GALNT18: variants seen among roughly 807,000 people sequenced by gnomAD.
GALNT18 encodes the protein polypeptide N-acetylgalactosaminyltransferase 18.
GALNT18 carries 44 observed loss-of-function variants against 69.5 expected under a neutral mutation model. The ratio of observed to expected loss-of-function variants is 0.63; its 90% CI spans 0.50 to 0.81. The LOEUF (loss-of-function observed/expected upper bound fraction) is 0.81, where lower values mean the gene tolerates loss of function less well. Ranked by LOEUF, GALNT18 falls within the 40% of genes least tolerant of loss-of-function variation. GALNT18 has a pLI of 0.00. For synonymous variants in GALNT18, 364 were observed against 318.2 expected, an observed-to-expected ratio of 1.14 and a Z score of -1.53; for missense variants, 715 against 810.0, an observed-to-expected ratio of 0.88 and a Z score of 1.42.
At chr11:11,548,441 A>G (rs148355676) in intron 1 of GALNT18, among the ~76,000 whole-genome samples, 1 of 152,276 alleles carries the variant, frequency 6.6e-6, no homozygotes, top group East Asian at 1.9e-4. Flanking sequence ...GCTCCATCCA[A>G]CACAAAGACC....
chr11:11,528,081 T>G (rs1297377661), intron 1 of GALNT18, among the ~76,000 whole-genome samples: 1 of 152,192 alleles, frequency 6.6e-6, no homozygotes, highest in Non-Finnish European at 1.5e-5. Flanking sequence ...TCCTAGAGAA[T>G]GTTACGGAAA....
At chr11:11,302,825 G>A (rs1486920572) in intron 9 of GALNT18, among the ~76,000 whole-genome samples, 5 of 152,210 alleles carry the variant, frequency 3.3e-5, no homozygotes, top group Non-Finnish European at 7.3e-5. Context: ...GCCTTAAAAG[G>A]CAGAGAGACT....
In GALNT18 at chr11:11,598,849, A is replaced by G. The variant is rs1298480585; in HGVS notation, c.235+22510T>C. 1.3e-5 allele frequency among the ~76,000 whole-genome samples: 2 copies of G among 151,864 alleles called. No individual in the cohort carries two copies. Among genetic ancestry groups the G allele is most frequent in the Non-Finnish European group, 2.9e-5 (2 of 67,952 alleles). ...CCTTTTCTTCTTCTATCCCTTGGTTATTTAGGAGTATGTTATCTAATATCC... is the reference window on the plus strand; with the variant it reads ...CCTTTTCTTCTTCTATCCCTTGGTTGTTTAGGAGTATGTTATCTAATATCC... On this transcript the variant is annotated intron_variant, in intron 1 of 10. Coordinates refer to ENST00000227756, the MANE Select transcript of GALNT18 (RefSeq NM_198516.3). The surrounding 1 kb of genome is among the most constrained non-coding windows in gnomAD (Gnocchi z 4.8).
chr11:11,490,201 TC>T (rs1856732370), intron 1 of GALNT18, among the ~76,000 whole-genome samples: 2 of 16,350 alleles, frequency 1.2e-4, no homozygotes, highest in South Asian at 3.0e-3. Context: ...CTTCACTCAT[TC>T]TCTCTCTCTC....
intron 1 of GALNT18, among the ~76,000 whole-genome samples, chr11:11,609,734 CA>C (rs939630757): frequency 1.3e-5 from 2 of 152,196 alleles, no homozygotes; most frequent in Non-Finnish European, 2.9e-5. Flanking sequence ...TAAACAATGC[CA>C]GCCTTGGTGT....
chr11:11,291,480 A>T (rs1221860250), intron 10 of GALNT18, among the ~76,000 whole-genome samples: 1 of 151,974 alleles, frequency 6.6e-6, no homozygotes, highest in Non-Finnish European at 1.5e-5. Context: ...GACACATAGT[A>T]AGTACTGTAT....
chr11:11,605,912 G>A lies in GALNT18; in HGVS notation c.235+15447C>T, dbSNP rs555356094. On this transcript the variant is annotated intron_variant, in intron 1 of 10. Coordinates refer to ENST00000227756, the MANE Select transcript of GALNT18 (RefSeq NM_198516.3). This position sits in a 1 kb window ranked among gnomAD's most constrained non-coding sequence, Gnocchi z 4.7. ...AAGCACACTGCACACACGCTCATGC[G>A]CACACACACACACCACTGAGCTTCA... Among the ~76,000 whole-genome samples the A allele has an allele frequency of 1.1e-4, 17 of 151,858 alleles. No homozygotes were observed. Among genetic ancestry groups the A allele is most frequent in the Non-Finnish European group, 2.2e-4 (15 of 67,938 alleles).
intron 10 of GALNT18, among the ~76,000 whole-genome samples, chr11:11,281,194 G>A (rs185846505): frequency 6.8e-4 from 103 of 152,258 alleles, no homozygotes; most frequent in African/African-American, 2.3e-3. Context: ...CCGGAGCCAG[G>A]TAGAAAGGGA....
At chr11:11,343,792 C>A (rs78518231) in intron 6 of GALNT18, among the ~76,000 whole-genome samples, 4 of 152,280 alleles carry the variant, frequency 2.6e-5, no homozygotes, top group Non-Finnish European at 4.4e-5. Flanking sequence ...TATTACAAGA[C>A]CTGCTTCTTA....
rs1859626554 is a variant in GALNT18, at chr11:11,601,205, T to G, written c.235+20154A>C. 2.0e-5 allele frequency among the ~76,000 whole-genome samples: 3 copies of G among 152,324 alleles called. No individual in the cohort carries two copies. The South Asian group carries it at 6.2e-4, about 32-fold the overall frequency. On this transcript the variant is annotated intron_variant, in intron 1 of 10. Transcript: ENST00000227756. The surrounding 1 kb of genome is among the most constrained non-coding windows in gnomAD (Gnocchi z 4.0). ...TAAATTTCTGTTGAAAACCAGACATTTTAGATACTATATTTTAGACACTTT... is the reference window on the plus strand; with the variant it reads ...TAAATTTCTGTTGAAAACCAGACATGTTAGATACTATATTTTAGACACTTT...
At chr11:11,414,929 C>T (rs1368766781) in intron 3 of GALNT18, among the ~76,000 whole-genome samples, 1 of 152,190 alleles carries the variant, frequency 6.6e-6, no homozygotes, top group Non-Finnish European at 1.5e-5. Flanking sequence ...AGGTGTTGGC[C>T]AGCACTGTAG....
At chr11:11,544,372 C>T (rs1303592733) in intron 1 of GALNT18, among the ~76,000 whole-genome samples, 1 of 152,200 alleles carries the variant, frequency 6.6e-6, no homozygotes, top group East Asian at 1.9e-4. Context: ...TCCTTCTGTG[C>T]TAGTTCTGTG....
At position 11,315,548 on chromosome 11, in the gene GALNT18, C is replaced by T. The variant is rs1019174276; in HGVS notation, c.1512+11538G>A. On this transcript the variant is annotated intron_variant, in intron 9 of 10. Coordinates refer to ENST00000227756, the MANE Select transcript of GALNT18 (RefSeq NM_198516.3). The surrounding 1 kb of genome is among the most constrained non-coding windows in gnomAD (Gnocchi z 5.6). ...GGTTTTCAGCCCAACTCTTAGCCTCCGATGTCCCCTTTCTTCACCCGTGTA... is the reference window on the plus strand; with the variant it reads ...GGTTTTCAGCCCAACTCTTAGCCTCTGATGTCCCCTTTCTTCACCCGTGTA... Among the ~76,000 whole-genome samples the T allele has an allele frequency of 5.9e-5, 9 of 152,138 alleles. No individual in the cohort carries two copies. The highest frequency in any genetic ancestry group is 1.4e-4 in the African/African-American group (6 of 41,428).
intron 1 of GALNT18, among the ~76,000 whole-genome samples, chr11:11,460,664 C>T (rs1856020177): frequency 1.3e-5 from 2 of 149,020 alleles, no homozygotes; most frequent in African/African-American, 2.4e-5. Flanking sequence ...CAGTCGCCCT[C>T]CTGCCTCCCT....
At chr11:11,407,306 A>G (rs557124268) in intron 3 of GALNT18, among the ~76,000 whole-genome samples, 1 of 152,210 alleles carries the variant, frequency 6.6e-6, no homozygotes, top group African/African-American at 2.4e-5. Context: ...GACCAGGCAA[A>G]AGGCTGGTGC....
chr11:11,427,152 A>G (rs1421222432), intron 3 of GALNT18, among the ~76,000 whole-genome samples: 2 of 152,170 alleles, frequency 1.3e-5, no homozygotes, highest in Non-Finnish European at 2.9e-5. Flanking sequence ...AGCATGATAG[A>G]TCGGAGCCAG....
intron 1 of GALNT18, among the ~76,000 whole-genome samples, chr11:11,572,879 T>C (rs1858826257): frequency 6.6e-6 from 1 of 152,224 alleles, no homozygotes; most frequent in African/African-American, 2.4e-5. Context: ...CCAAAAATAT[T>C]GAGAAGTCTT....
At chr11:11,443,072 T>C (rs1186049901) in intron 2 of GALNT18, among the ~76,000 whole-genome samples, 1 of 152,216 alleles carries the variant, frequency 6.6e-6, no homozygotes, top group African/African-American at 2.4e-5. Flanking sequence ...GACTTTCCTG[T>C]GCCCCTTGTT....
chr11:11,378,937 C>G, intron 4 of GALNT18, 144 bp downstream of exon 4: 1 of 780,736 alleles, frequency 1.3e-6, no homozygotes, highest in South Asian at 2.0e-5. Flanking sequence ...TTGCCTGGCT[C>G]ACTCACACAC....
Sources: gnomAD v4.1 joint callset for allele counts (sites outside exome capture counted in the v4.1 genomes callset) on GRCh38, gnomAD v4.1.1 for gene constraint, Gnocchi (gnomAD v3.1) non-coding constraint, MANE v1.5 for transcripts, NCBI Gene and HGNC (gene_info 2026-07-23, HGNC 2026-07-21) for gene names.